ABCC12: variants seen among roughly 807,000 people sequenced by gnomAD.
ABCC12 encodes ATP binding cassette subfamily C member 12, also known as ATP-binding cassette sub-family C member 12.
Under a neutral mutation model 151.1 loss-of-function variants are expected in ABCC12, and 142 were observed. That is an observed-to-expected ratio of 0.94 (90% CI 0.82 to 1.08). The LOEUF is 1.08. Ranked by LOEUF, ABCC12 falls within the 50% of genes least tolerant of loss-of-function variation. The probability of loss-of-function intolerance (pLI) is 0.00; values close to 1 mark genes in which losing one functional copy is unlikely to be tolerated. For synonymous variants in ABCC12, 645 were observed against 646.4 expected (o/e 1.00, Z 0.03); for missense variants, 1,638 against 1,691.1 (o/e 0.97, Z 0.55).
intron 16 of ABCC12, 56 bp from the exon 17 acceptor site, chr16:48,111,718 AC>A: frequency 2.5e-6 from 4 of 1,613,982 alleles, no homozygotes; most frequent in Non-Finnish European, 3.4e-6. Context: ...TCTCCCAGGC[AC>A]GAAATCCTGA....
intron 23 of ABCC12, 63 bp downstream of exon 23, chr16:48,100,809 A>G (rs569848750): frequency 3.3e-5 from 51 of 1,568,336 alleles, no homozygotes; most frequent in Non-Finnish European, 4.1e-5. Flanking sequence ...CCTCCTGTGC[A>G]CTCCCCATCG....
At chr16:48,109,938 C>T (rs2150615191) in intron 18 of ABCC12, among the ~76,000 whole-genome samples, 1 of 152,332 alleles carries the variant, frequency 6.6e-6, no homozygotes, top group South Asian at 2.1e-4. Flanking sequence ...CCCTTGACAG[C>T]CCCGTTGTTT....
At position 48,098,163 on chromosome 16, in the gene ABCC12, T is replaced by C. The variant is rs552854484; in HGVS notation, c.3039-1261A>G. ...CAGCATAGCCTTGCCACACCAAGCCTCTGGGGGAAAGAGACCTGTGGCTTG... is the reference window on the plus strand; with the variant it reads ...CAGCATAGCCTTGCCACACCAAGCCCCTGGGGGAAAGAGACCTGTGGCTTG... On this transcript the variant is annotated intron_variant, in intron 23 of 30. Transcript: ENST00000311303. 3.3e-5 allele frequency among the ~76,000 whole-genome samples: 5 copies of C among 149,850 alleles called. No homozygotes were observed. The East Asian group carries it at 9.8e-4, about 30-fold the overall frequency.
chr16:48,115,566 A>G lies in ABCC12; in HGVS notation c.1838T>C (p.Leu613Pro), dbSNP rs1489087841. Residue 613 changes from leucine to proline, a missense_variant, in exon 15 of 31, where the codon CTG becomes CCG. Leu to Pro is a moderately conservative substitution (Grantham distance 98). Transcript: ENST00000311303. ...LSGGQRQRIS[L>P]ARAVYSDRQL... The stretch of plus-strand genomic sequence containing the variant: ...ACGGTCGGAGTAGACAGCGCGGGCC[A>G]GGCTAATCCTCTGCCTCTGCCCCCC... 20 of 1,614,152 alleles carry G rather than the reference A, an allele frequency of 1.2e-5. No individual in the cohort carries two copies. Among genetic ancestry groups the G allele is most frequent in the Non-Finnish European group, 1.7e-5 (20 of 1,180,008 alleles).
Position 48,096,866 on chromosome 16 carries a change from A to C in ABCC12, c.3075T>G (p.Phe1025Leu). 6.2e-7 allele frequency: 1 copy of C among 1,614,164 alleles called. No individual in the cohort carries two copies. Among genetic ancestry groups the C allele is most frequent in the Non-Finnish European group, 8.5e-7 (1 of 1,180,028 alleles). Residue 1025 changes from phenylalanine to leucine, a missense_variant, in exon 24 of 31, where the codon TTT becomes TTG. By Grantham distance (22) the Phe-to-Leu change is conservative. Coordinates refer to ENST00000311303, the MANE Select transcript of ABCC12 (RefSeq NM_001393797.1). ...TCATGAGGACATCCATTCTCAGCGC[A>C]AACCACCTGAGAGCACAGTTAAAGT... ...LLYFNCALRW[F>L]ALRMDVLMNI...
chr16:48,116,106 T>C (rs993751008), intron 14 of ABCC12, among the ~76,000 whole-genome samples: 17 of 152,218 alleles, frequency 1.1e-4, no homozygotes, highest in African/African-American at 4.1e-4. Context: ...GAGATAAGCC[T>C]TGACTTCCTG....
chr16:48,092,623 T>C (rs1036024108), intron 24 of ABCC12, among the ~76,000 whole-genome samples: 11 of 152,174 alleles, frequency 7.2e-5, no homozygotes, highest in African/African-American at 2.7e-4. Flanking sequence ...AGGTACTGGT[T>C]GGGGTGCCGG....
At position 48,146,286 on chromosome 16, in the gene ABCC12, C is replaced by CAGA. The variant is rs763480776; in HGVS notation, c.119+19_119+20insTCT. On this transcript the variant is annotated intron_variant, in intron 3 of 30. Coordinates refer to ENST00000311303, the MANE Select transcript of ABCC12 (RefSeq NM_001393797.1). ...GGAGGTCCTGCCCTGGCCCTCCCTT[C>CAGA]TGTCCTTCTTCTGACTTACCTTGCA... is the stretch of plus-strand genomic sequence containing the variant. 1 of 1,611,330 alleles carries CAGA rather than the reference C, an allele frequency of 6.2e-7. No individual in the cohort carries two copies. Among genetic ancestry groups the CAGA allele is most frequent in the South Asian group, 1.1e-5 (1 of 91,006 alleles).
At chr16:48,142,633 T>C (rs542030990) in intron 4 of ABCC12, among the ~76,000 whole-genome samples, 1 of 152,218 alleles carries the variant, frequency 6.6e-6, no homozygotes, top group Non-Finnish European at 1.5e-5. Context: ...TAGGAGGCCA[T>C]GACTAACACT....
chr16:48,132,469 C>T (rs1282596701), intron 9 of ABCC12, among the ~76,000 whole-genome samples: 9 of 152,166 alleles, frequency 5.9e-5, no homozygotes, highest in African/African-American at 2.2e-4. Flanking sequence ...CCCGTGAGGT[C>T]CCTGATTTTA....
At chr16:48,150,212 G>T (rs911537812) in intron 2 of ABCC12, among the ~76,000 whole-genome samples, 1 of 152,018 alleles carries the variant, frequency 6.6e-6, no homozygotes, top group Non-Finnish European at 1.5e-5. Flanking sequence ...CTCTCATACT[G>T]GTGTCAACAC....
At chr16:48,084,995 T>A (rs1308716466) in intron 29 of ABCC12, among the ~76,000 whole-genome samples, 1 of 152,018 alleles carries the variant, frequency 6.6e-6, no homozygotes, top group African/African-American at 2.4e-5. Flanking sequence ...ATATGGAGAC[T>A]ACACTTAAAC....
At chr16:48,118,178 T>C (rs900508554) in intron 13 of ABCC12, among the ~76,000 whole-genome samples, 10 of 152,148 alleles carry the variant, frequency 6.6e-5, no homozygotes, top group African/African-American at 2.4e-4. Context: ...GACCCCGCTC[T>C]GCCCCAGGGG....
At chr16:48,141,172 C>T in intron 5 of ABCC12, 34 bp downstream of exon 5, 1 of 1,607,840 alleles carries the variant, frequency 6.2e-7, no homozygotes, top group Non-Finnish European at 8.5e-7. Flanking sequence ...GGCTGGGGAC[C>T]TAGCAGATGA....
intron 10 of ABCC12, among the ~76,000 whole-genome samples, chr16:48,129,831 G>A (rs1964363088): frequency 6.6e-6 from 1 of 152,180 alleles, no homozygotes; most frequent in African/African-American, 2.4e-5. Flanking sequence ...TCTAGTCTAA[G>A]GAGCACCTTT....
At chr16:48,098,177 A>G (rs763060738) in intron 23 of ABCC12, among the ~76,000 whole-genome samples, 1 of 151,534 alleles carries the variant, frequency 6.6e-6, no homozygotes, top group Non-Finnish European at 1.5e-5. Flanking sequence ...GGGGAAAGAG[A>G]CCTGTGGCTT....
Position 48,117,571 on chromosome 16 carries a change from C to G in ABCC12, c.1713-238G>C, listed in dbSNP as rs575041433. ...GATTCAGGAATGGCCCCTTCCCTGG[C>G]AGGGTTTTCGCCAAGCAGGGAAGAA... On this transcript the variant is annotated intron_variant, in intron 13 of 30. Transcript: ENST00000311303. 3.8e-4 allele frequency among the ~76,000 whole-genome samples: 58 copies of G among 152,292 alleles called. 1 individual carries two copies. The highest frequency in any genetic ancestry group is 1.6e-3 in the Admixed American group (24 of 15,304).
intron 22 of ABCC12, among the ~76,000 whole-genome samples, chr16:48,102,522 C>G (rs1343701168): frequency 6.6e-6 from 1 of 152,166 alleles, no homozygotes; most frequent in Non-Finnish European, 1.5e-5. Flanking sequence ...CCTTCAAGAA[C>G]CTGGACACCC....
chr16:48,133,260 G>A (rs1267792814), intron 9 of ABCC12, among the ~76,000 whole-genome samples: 1 of 152,106 alleles, frequency 6.6e-6, no homozygotes, highest in African/African-American at 2.4e-5. Flanking sequence ...TGTGGCTCAC[G>A]CCTGTAATTC....
Sources: gnomAD v4.1 joint callset for allele counts (sites outside exome capture counted in the v4.1 genomes callset) on GRCh38, gnomAD v4.1.1 for gene constraint, MANE v1.5 for transcripts, NCBI Gene and HGNC (gene_info 2026-07-23, HGNC 2026-07-21) for gene names.